Variants in HERC4 observed in about 807,000 individuals in gnomAD.
HERC4 encodes probable E3 ubiquitin-protein ligase HERC4.
A neutral mutation model predicts 124.3 loss-of-function variants in HERC4; 28 were observed. That is an observed-to-expected ratio of 0.23 (90% CI 0.17 to 0.31). The LOEUF is 0.31. HERC4 is among the 10% of genes least tolerant of loss of function. The pLI is 1.00. For synonymous variants in HERC4, 407 were observed against 421.5 expected (o/e 0.97, Z 0.42); for missense variants, 713 against 1,229.3 (o/e 0.58, Z 6.28).
intron 19 of HERC4, among the ~76,000 whole-genome samples, chr10:67,952,438 C>A (rs772077832): frequency 2.6e-5 from 4 of 152,022 alleles, no homozygotes; most frequent in Non-Finnish European, 5.9e-5. Context: ...CATGTACCAC[C>A]ACGCCCAGCT....
chr10:67,972,564 C>G (rs1226083642), intron 15 of HERC4, among the ~76,000 whole-genome samples: 2 of 137,778 alleles, frequency 1.5e-5, no homozygotes, highest in Non-Finnish European at 3.1e-5. Flanking sequence ...AAGAATTTCT[C>G]TGTACTAGCA....
At position 67,969,011 on chromosome 10, in the gene HERC4, A is replaced by G. The variant is rs578197071; in HGVS notation, c.1807-2209T>C. On this transcript the variant is annotated intron_variant, in intron 15 of 24. Coordinates refer to ENST00000373700, the MANE Select transcript of HERC4 (RefSeq NM_015601.4). ...GATAGACCAAATCCTGGACCATACA[A>G]TAAGTCTTCATACATTTAAAAGAAT... Among the ~76,000 whole-genome samples the G allele has an allele frequency of 1.2e-4, 18 of 152,348 alleles. No homozygotes were observed. In the South Asian group the frequency reaches 3.1e-3, roughly 26 times the overall value.
chr10:67,927,404 ATATATATATATATATATATATATATATT>A (rs1442973059), intron 23 of HERC4, among the ~76,000 whole-genome samples: 5 of 8,470 alleles, frequency 5.9e-4, no homozygotes, highest in Admixed American at 1.3e-3. Flanking sequence ...ATATATATAT[ATATATATATATATATATATATATATATT>A]TTTTTTTTTT....
chr10:68,062,428 C>T (rs544529097), intron 3 of HERC4, among the ~76,000 whole-genome samples: 1 of 152,216 alleles, frequency 6.6e-6, no homozygotes, highest in South Asian at 2.1e-4. Context: ...CTCTCTAAGT[C>T]TCCATCATCT....
intron 16 of HERC4, among the ~76,000 whole-genome samples, chr10:67,962,976 CT>C (rs2034618943): frequency 6.6e-6 from 1 of 152,110 alleles, no homozygotes; most frequent in Non-Finnish European, 1.5e-5. Flanking sequence ...CTTCTCAAAA[CT>C]TTTTAAGGTA....
At chr10:68,039,152 C>CAAA (rs5785843) in intron 4 of HERC4, among the ~76,000 whole-genome samples, 2 of 115,280 alleles carry the variant, frequency 1.7e-5, no homozygotes, top group African/African-American at 5.9e-5. Flanking sequence ...ACTGAAAATA[C>CAAA]AAAAAAAAAA....
chr10:67,983,661 C>T (rs765042464), intron 15 of HERC4, among the ~76,000 whole-genome samples: 9 of 151,870 alleles, frequency 5.9e-5, no homozygotes, highest in Non-Finnish European at 1.2e-4. Flanking sequence ...ATGGCAGGCG[C>T]CTGTGGTCCC....
chr10:67,994,931 C>G, intron 9 of HERC4: 1 of 182,846 alleles, frequency 5.5e-6, no homozygotes. Context: ...CTCAAGTGAT[C>G]TGCCCACCTC....
At chr10:68,057,711 T>A (rs1055624918) in intron 3 of HERC4, among the ~76,000 whole-genome samples, 12 of 151,900 alleles carry the variant, frequency 7.9e-5, no homozygotes, top group African/African-American at 1.9e-4. Flanking sequence ...CCTTATTATT[T>A]TTTTTTTTCT....
chr10:67,933,278 A>C (rs1041286716), intron 22 of HERC4, among the ~76,000 whole-genome samples: 15 of 152,166 alleles, frequency 9.9e-5, no homozygotes, highest in African/African-American at 3.6e-4. Flanking sequence ...GAGGGTACTA[A>C]GCATTCTTTT....
chr10:67,936,091 G>T, intron 22 of HERC4, 62 bp downstream of exon 22: 2 of 1,082,428 alleles, frequency 1.8e-6, no homozygotes, highest in Non-Finnish European at 2.7e-6. Context: ...CGTTTTCTAC[G>T]TACAGAAGAA....
chr10:68,059,830 T>C lies in HERC4; in HGVS notation c.226+13053A>G, dbSNP rs370950067. Among the ~76,000 whole-genome samples, 94 of 50,818 alleles carry C rather than the reference T, an allele frequency of 1.8e-3. 3 individuals are homozygous for C. The highest frequency in any genetic ancestry group is 5.5e-3 in the African/African-American group (25 of 4,562). 33.3% of individuals were successfully genotyped at this position (50,818 alleles called of 152,430 possible). A position where few individuals can be genotyped will look rare whatever the true frequency, so the allele number is the denominator to read the frequency against. On this transcript the variant is annotated intron_variant, in intron 3 of 24. Coordinates refer to ENST00000373700, the MANE Select transcript of HERC4 (RefSeq NM_015601.4). The stretch of plus-strand genomic sequence containing the variant: ...TATTATAATATTATATATCATAATA[T>C]TATATATTATAATATATTATATATC...
intron 15 of HERC4, chr10:67,988,054 G>A (rs2036357292): frequency 6.6e-6 from 1 of 152,072 alleles, no homozygotes; most frequent in Non-Finnish European, 1.5e-5. Context: ...AACTGTCAGG[G>A]ATGAAAATCC....
chr10:67,932,450 C>T lies in HERC4; in HGVS notation c.2838+147G>A, dbSNP rs2031923014. ...GTCTAATTCATATACCGTTCAAATC[C>T]ATTCATTGTGGAGTTTGAAGGGTAG... is the stretch of plus-strand genomic sequence containing the variant. On this transcript the variant is annotated intron_variant, in intron 23 of 24. Transcript: ENST00000373700. 1.4e-5 allele frequency: 9 copies of T among 654,828 alleles called. 1 individual carries two copies. Among genetic ancestry groups the T allele is most frequent in the Non-Finnish European group, 2.3e-5 (9 of 390,976 alleles). 40.6% of individuals were successfully genotyped at this position (654,828 alleles called of 1,614,324 possible).
chr10:67,974,644 T>C (rs1252638378), intron 15 of HERC4, among the ~76,000 whole-genome samples: 1 of 152,366 alleles, frequency 6.6e-6, no homozygotes, highest in South Asian at 2.1e-4. Flanking sequence ...TCTATATCTG[T>C]TGCATTTTCA....
chr10:67,987,618 T>C (rs1296453532), intron 15 of HERC4, among the ~76,000 whole-genome samples: 1 of 152,134 alleles, frequency 6.6e-6, no homozygotes, highest in Non-Finnish European at 1.5e-5. Context: ...AACATAAGAA[T>C]GACCTGTTTC....
chr10:67,984,301 CAAAAA>C (rs928310831), intron 15 of HERC4, among the ~76,000 whole-genome samples: 1 of 67,840 alleles, frequency 1.5e-5, no homozygotes, highest in Admixed American at 1.8e-4. Context: ...GACTCCATCT[CAAAAA>C]AAAAAAAAAA....
At chr10:67,927,531 T>G (rs904800802) in intron 23 of HERC4, among the ~76,000 whole-genome samples, 1 of 150,650 alleles carries the variant, frequency 6.6e-6, no homozygotes, top group African/African-American at 2.5e-5. Context: ...GTTCAAGCGA[T>G]TCTCCTGCCT....
At chr10:68,018,253 T>A in intron 8 of HERC4, among the ~76,000 whole-genome samples, 1 of 149,708 alleles carries the variant, frequency 6.7e-6, no homozygotes. Context: ...CAATATGCCA[T>A]GTTAACAGAT....
Sources: gnomAD v4.1 joint callset for allele counts (sites outside exome capture counted in the v4.1 genomes callset) on GRCh38, gnomAD v4.1.1 for gene constraint, MANE v1.5 for transcripts, NCBI Gene and HGNC (gene_info 2026-07-23, HGNC 2026-07-21) for gene names.